VSTM4: variants seen among roughly 807,000 people sequenced by gnomAD.
VSTM4 encodes V-set and transmembrane domain-containing protein 4.
Under a neutral mutation model 36.4 loss-of-function variants are expected in VSTM4, and 20 were observed. The observed-to-expected ratio is 0.55, with a 90% CI of 0.39 to 0.80. VSTM4 has a LOEUF of 0.80. Among genes scored for constraint, VSTM4 ranks in the 30% least tolerant of loss-of-function variants. VSTM4 has a pLI of 0.00. For synonymous variants in VSTM4, 182 were observed against 173.9 expected (o/e 1.05, Z -0.37); for missense variants, 392 against 404.5 (o/e 0.97, Z 0.26).
chr10:49,072,399 C>T lies in VSTM4; in HGVS notation c.634+4820G>A, dbSNP rs545740466. 9.9e-5 allele frequency among the ~76,000 whole-genome samples: 15 copies of T among 152,250 alleles called. No individual in the cohort carries two copies. The South Asian group carries it at 2.3e-3, about 23-fold the overall frequency. On this transcript the variant is annotated intron_variant, in intron 4 of 7. Coordinates refer to ENST00000332853, the MANE Select transcript of VSTM4 (RefSeq NM_001031746.5). ...CCAATCCTCAGGCCCCACAGGTGGT[C>T]GCAGTTATGCCCCAGCCACCAGGAA...
chr10:49,091,116 G>T (rs1047119827), intron 2 of VSTM4, among the ~76,000 whole-genome samples: 1 of 152,250 alleles, frequency 6.6e-6, no homozygotes, highest in Non-Finnish European at 1.5e-5. Context: ...AACTAAAGTG[G>T]GTTTTTATAT....
intron 5 of VSTM4, among the ~76,000 whole-genome samples, chr10:49,053,585 G>A (rs1359088613): frequency 6.6e-6 from 1 of 152,192 alleles, no homozygotes; most frequent in Non-Finnish European, 1.5e-5. Context: ...ATTAGATGGG[G>A]TGTGAAACAG....
At chr10:49,087,082 G>A (rs1374910260) in intron 2 of VSTM4, among the ~76,000 whole-genome samples, 1 of 152,100 alleles carries the variant, frequency 6.6e-6, no homozygotes, top group Non-Finnish European at 1.5e-5. Context: ...CCTTCCTTTT[G>A]TCTCTCTGGG....
At chr10:49,026,037 A>C (rs192648059) in intron 7 of VSTM4, among the ~76,000 whole-genome samples, 1 of 152,326 alleles carries the variant, frequency 6.6e-6, no homozygotes, top group Non-Finnish European at 1.5e-5. Flanking sequence ...GAAAAATCCT[A>C]GAGGAAAGGG....
chr10:49,070,950 C>T (rs1483768682), intron 4 of VSTM4, among the ~76,000 whole-genome samples: 1 of 152,242 alleles, frequency 6.6e-6, no homozygotes, highest in Non-Finnish European at 1.5e-5. Flanking sequence ...GAGGCCTCCT[C>T]CCCACCCGAG....
intron 4 of VSTM4, 69 bp from the exon 5 acceptor site, chr10:49,064,805 C>A: frequency 2.6e-6 from 4 of 1,536,678 alleles, no homozygotes; most frequent in Non-Finnish European, 3.6e-6. Context: ...CCAGGAATTA[C>A]AAGGAAATGC....
chr10:49,067,640 AG>A (rs1843996662), intron 4 of VSTM4, among the ~76,000 whole-genome samples: 1 of 152,242 alleles, frequency 6.6e-6, no homozygotes, highest in Non-Finnish European at 1.5e-5. Flanking sequence ...GAGAGGCTTC[AG>A]GGGAAATGAA....
At chr10:49,112,463 A>G (rs1433607921) in intron 1 of VSTM4, among the ~76,000 whole-genome samples, 1 of 152,224 alleles carries the variant, frequency 6.6e-6, no homozygotes, top group Non-Finnish European at 1.5e-5. Flanking sequence ...AGCCTCCTGG[A>G]GTTTCAGTTT....
chr10:49,108,446 G>A (rs1204226910), intron 1 of VSTM4, among the ~76,000 whole-genome samples: 3 of 152,164 alleles, frequency 2.0e-5, no homozygotes, highest in Non-Finnish European at 2.9e-5. Context: ...GATGTCAGCT[G>A]TGCTGTGGGT....
chr10:49,028,815 AT>A (rs1843301929), intron 7 of VSTM4, among the ~76,000 whole-genome samples: 1 of 152,250 alleles, frequency 6.6e-6, no homozygotes, highest in African/African-American at 2.4e-5. Context: ...GGGTAATACC[AT>A]TATCACAGCA....
intron 7 of VSTM4, among the ~76,000 whole-genome samples, chr10:49,033,980 T>C (rs1843386748): frequency 6.6e-6 from 1 of 151,962 alleles, no homozygotes; most frequent in African/African-American, 2.4e-5. Flanking sequence ...ATAATCACCA[T>C]CATCATCACC....
intron 7 of VSTM4, among the ~76,000 whole-genome samples, chr10:49,033,978 C>G (rs550310243): frequency 6.6e-6 from 1 of 152,018 alleles, no homozygotes; most frequent in South Asian, 2.1e-4. Flanking sequence ...CCATAATCAC[C>G]ATCATCATCA....
At chr10:49,108,221 G>A (rs1439826214) in intron 1 of VSTM4, among the ~76,000 whole-genome samples, 1 of 152,178 alleles carries the variant, frequency 6.6e-6, no homozygotes. Flanking sequence ...GTCCATGTGG[G>A]ATGCTAAACA....
At chr10:49,077,368 C>T (rs1015526153) in intron 3 of VSTM4, 42 bp from the exon 4 acceptor site, 1 of 1,584,646 alleles carries the variant, frequency 6.3e-7, no homozygotes, top group Non-Finnish European at 8.7e-7. Context: ...CTTCTGGGGG[C>T]CGCAGCAGAA....
At chr10:49,091,492 A>G (rs1040080370) in intron 2 of VSTM4, among the ~76,000 whole-genome samples, 2 of 152,208 alleles carry the variant, frequency 1.3e-5, no homozygotes, top group African/African-American at 4.8e-5. Flanking sequence ...GGAAAGAAAG[A>G]GCCTCAGTCA....
chr10:49,052,602 G>GT (rs1843715519), intron 5 of VSTM4, among the ~76,000 whole-genome samples: 1 of 152,030 alleles, frequency 6.6e-6, no homozygotes, highest in Admixed American at 6.5e-5. Flanking sequence ...GTTCCATGCA[G>GT]TTTTTTAATT....
intron 7 of VSTM4, among the ~76,000 whole-genome samples, chr10:49,038,246 G>T (rs1564569370): frequency 6.6e-6 from 1 of 152,170 alleles, no homozygotes; most frequent in Non-Finnish European, 1.5e-5. Flanking sequence ...AAAAAATGTG[G>T]TATATACTTA....
intron 2 of VSTM4, among the ~76,000 whole-genome samples, chr10:49,090,363 T>C (rs1287364764): frequency 6.6e-6 from 1 of 152,108 alleles, no homozygotes; most frequent in African/African-American, 2.4e-5. Flanking sequence ...ATGCACCAGC[T>C]CAAAGGAATG....
In VSTM4 at chr10:49,019,443, C is replaced by T. The variant is rs1035053217; in HGVS notation, c.*207G>A. On this transcript the variant is annotated 3_prime_UTR_variant, in exon 8 of 8. Coordinates refer to ENST00000332853, the MANE Select transcript of VSTM4 (RefSeq NM_001031746.5). The stretch of plus-strand genomic sequence containing the variant: ...GCTCAAACCCAGGCGCATCTTGTCC[C>T]GGGAGATCTGTCAAGAGCTGTGGCC... The T allele has an allele frequency of 4.3e-5, 22 of 509,340 alleles. No homozygotes were observed. Among genetic ancestry groups the T allele is most frequent in the Middle Eastern group, 5.9e-4 (1 of 1,698 alleles). The allele number at this position is 509,340 out of a possible 1,614,324, so 31.6% of individuals were successfully genotyped here.
Sources: gnomAD v4.1 joint callset for allele counts (sites outside exome capture counted in the v4.1 genomes callset) on GRCh38, gnomAD v4.1.1 for gene constraint, MANE v1.5 for transcripts, NCBI Gene and HGNC (gene_info 2026-07-23, HGNC 2026-07-21) for gene names.